Variants in CREB3L2 observed in about 807,000 individuals in gnomAD.
CREB3L2 encodes cAMP responsive element binding protein 3 like 2, also known as cyclic AMP-responsive element-binding protein 3-like protein 2.
Under a neutral mutation model 57.2 loss-of-function variants are expected in CREB3L2, and 23 were observed. The ratio of observed to expected loss-of-function variants is 0.40; its 90% CI spans 0.29 to 0.57. CREB3L2 has a LOEUF of 0.57. Among genes scored for constraint, CREB3L2 ranks in the 20% least tolerant of loss-of-function variants. The probability of loss-of-function intolerance (pLI) is 0.42; values close to 1 mark genes in which losing one functional copy is unlikely to be tolerated. For synonymous variants in CREB3L2, 268 were observed against 265.1 expected, an observed-to-expected ratio of 1.01 and a Z score of -0.11; for missense variants, 628 against 634.7, an observed-to-expected ratio of 0.99 and a Z score of 0.11.
Position 137,885,071 on chromosome 7 carries a change from G to A in CREB3L2, c.1194C>T (p.Tyr398=), listed in dbSNP as rs764445030. 45 of 1,614,028 alleles carry A rather than the reference G, an allele frequency of 2.8e-5. 1 individual carries two copies. In the Middle Eastern group the frequency reaches 3.6e-3, roughly 130 times the overall value. ...TCTTGGTGGCAGAAGGATAGGGCCC[G>A]TAGCCTTGAAAGAAGCTGCCGAATG... ...AVAFGSFFQG[Y]GPYPSATKMA... Residue 398 remains tyrosine, a synonymous_variant, in exon 10 of 12, where the codon TAC becomes TAT. Transcript: ENST00000330387.
intron 1 of CREB3L2, among the ~76,000 whole-genome samples, chr7:137,985,414 A>C (rs534866869): frequency 1.3e-5 from 2 of 152,284 alleles, no homozygotes; most frequent in South Asian, 4.1e-4. Context: ...TATGGACAGC[A>C]TTCCAAAGGT....
At chr7:137,904,132 G>A in intron 6 of CREB3L2, 115 bp from the exon 7 acceptor site, 1 of 854,074 alleles carries the variant, frequency 1.2e-6, no homozygotes, top group Non-Finnish European at 1.9e-6. Context: ...TCTGCAAGCT[G>A]CTTGCCATTT....
At chr7:137,937,938 T>A (rs1402864733) in intron 1 of CREB3L2, among the ~76,000 whole-genome samples, 1 of 151,730 alleles carries the variant, frequency 6.6e-6, no homozygotes, top group Non-Finnish European at 1.5e-5. Flanking sequence ...AATAAAGGCA[T>A]TGAGAGATGA....
intron 1 of CREB3L2, among the ~76,000 whole-genome samples, chr7:137,986,638 C>T (rs1801796325): frequency 6.6e-6 from 1 of 152,198 alleles, no homozygotes; most frequent in Non-Finnish European, 1.5e-5. Flanking sequence ...AGTGGTTGAG[C>T]AATCTGCAGA....
intron 7 of CREB3L2, among the ~76,000 whole-genome samples, chr7:137,902,813 T>G (rs1406920998): frequency 6.6e-6 from 1 of 152,106 alleles, no homozygotes; most frequent in Admixed American, 6.6e-5. Flanking sequence ...ATTGAGTTGT[T>G]TGGTTTTGGC....
chr7:137,878,833 C>T lies in CREB3L2; in HGVS notation c.*1643G>A. 1 of 292,322 alleles carries T rather than the reference C, an allele frequency of 3.4e-6. No homozygotes were observed. The highest frequency in any genetic ancestry group is 5.7e-5 in the South Asian group (1 of 17,580). 18.1% of individuals were successfully genotyped at this position (292,322 alleles called of 1,614,324 possible). On this transcript the variant is annotated 3_prime_UTR_variant, in exon 12 of 12. Coordinates refer to ENST00000330387, the MANE Select transcript of CREB3L2 (RefSeq NM_194071.4). ...ATGTTAATAACATCAAATCCTGTAC[C>T]TGATATGGAATGGAAGCCAGGGTGT...
chr7:137,912,688 T>C (rs1800039686), intron 4 of CREB3L2: 1 of 678,206 alleles, frequency 1.5e-6, no homozygotes, highest in Non-Finnish European at 2.4e-6. Context: ...TGCAGTTCTC[T>C]TGTTCGATAG....
In CREB3L2 at chr7:137,876,380, A is replaced by C. The variant is rs766838434; in HGVS notation, c.*4096T>G. On this transcript the variant is annotated 3_prime_UTR_variant, in exon 12 of 12. Coordinates refer to ENST00000330387, the MANE Select transcript of CREB3L2 (RefSeq NM_194071.4). ...TGTGTGTGTGTGTGTCAGAGAGAGA[A>C]GAAGGGAGAGAGAAGTATAAGCATT... The C allele has an allele frequency of 4.3e-6, 1 of 230,248 alleles. No homozygotes were observed. The allele number at this position is 230,248 out of a possible 1,614,324, so 14.3% of individuals were successfully genotyped here.
At chr7:137,978,920 C>T (rs561260274) in intron 1 of CREB3L2, among the ~76,000 whole-genome samples, 1 of 152,162 alleles carries the variant, frequency 6.6e-6, no homozygotes, top group Non-Finnish European at 1.5e-5. Flanking sequence ...TAGAGAGTGG[C>T]CCCATGCATG....
At chr7:137,976,945 C>T (rs1275428231) in intron 1 of CREB3L2, among the ~76,000 whole-genome samples, 2 of 152,188 alleles carry the variant, frequency 1.3e-5, no homozygotes, top group Non-Finnish European at 2.9e-5. Flanking sequence ...CACGTACACA[C>T]CCACACACAA....
At chr7:137,961,630 C>A (rs1029737647) in intron 1 of CREB3L2, among the ~76,000 whole-genome samples, 1 of 152,102 alleles carries the variant, frequency 6.6e-6, no homozygotes, top group East Asian at 1.9e-4. Flanking sequence ...TCTTGTCCTC[C>A]CCTCCCCATT....
chr7:137,956,836 A>T (rs1801224020), intron 1 of CREB3L2, among the ~76,000 whole-genome samples: 1 of 152,202 alleles, frequency 6.6e-6, no homozygotes, highest in Non-Finnish European at 1.5e-5. Flanking sequence ...AGCTAGGTGA[A>T]TCTGTTCACC....
At chr7:137,988,329 C>T (rs1462420184) in intron 1 of CREB3L2, among the ~76,000 whole-genome samples, 1 of 152,258 alleles carries the variant, frequency 6.6e-6, no homozygotes, top group African/African-American at 2.4e-5. Flanking sequence ...GTCCTGAAAC[C>T]TGGGCATTGC....
chr7:137,905,139 G>A (rs966239198), intron 6 of CREB3L2, among the ~76,000 whole-genome samples: 14 of 151,752 alleles, frequency 9.2e-5, no homozygotes, highest in African/African-American at 3.4e-4. Context: ...CATCAGGCCT[G>A]CTCAGCACTG....
At chr7:137,951,588 G>A (rs1398000163) in intron 1 of CREB3L2, among the ~76,000 whole-genome samples, 3 of 152,112 alleles carry the variant, frequency 2.0e-5, no homozygotes, top group Non-Finnish European at 4.4e-5. Context: ...GTATAAGTAT[G>A]GTATATAAGC....
chr7:137,983,899 G>C (rs143738115), intron 1 of CREB3L2, among the ~76,000 whole-genome samples: 1 of 152,110 alleles, frequency 6.6e-6, no homozygotes, highest in African/African-American at 2.4e-5. Flanking sequence ...AAGCACAATC[G>C]GGCCTTTTGA....
chr7:137,907,204 C>T (rs549445935), intron 5 of CREB3L2, among the ~76,000 whole-genome samples: 44 of 152,180 alleles, frequency 2.9e-4, no homozygotes, highest in African/African-American at 8.9e-4. Flanking sequence ...CTTGAAGCAG[C>T]GGAGGGTTGG....
At chr7:137,972,127 A>G (rs1801518083) in intron 1 of CREB3L2, among the ~76,000 whole-genome samples, 1 of 152,178 alleles carries the variant, frequency 6.6e-6, no homozygotes, top group South Asian at 2.1e-4. Flanking sequence ...CTTTTGACAG[A>G]TGTCTTGGCT....
intron 6 of CREB3L2, 108 bp downstream of exon 6, chr7:137,905,594 C>A: frequency 1.6e-6 from 2 of 1,231,830 alleles, no homozygotes; most frequent in East Asian, 2.3e-5. Context: ...GGGCCTTGGT[C>A]TCCACCATGG....
Sources: allele counts gnomAD v4.1 joint callset (sites outside exome capture counted in the v4.1 genomes callset), GRCh38; gene constraint gnomAD v4.1.1; transcripts MANE v1.5; gene names NCBI Gene and HGNC (gene_info 2026-07-23, HGNC 2026-07-21).